The following BBS9 variants were observed in gnomAD, a reference collection of about 807,000 sequenced individuals.
BBS9 encodes protein PTHB1.
In BBS9, 89 loss-of-function variants were observed where a neutral mutation model predicts 117.7. The ratio of observed to expected loss-of-function variants is 0.76; its 90% CI spans 0.64 to 0.90. BBS9 has a LOEUF of 0.90. BBS9 is among the 40% of genes least tolerant of loss of function. The pLI, the probability that BBS9 is intolerant of heterozygous loss-of-function variation, is 0.00. For missense variants in BBS9, 982 were observed against 1,042.2 expected (o/e 0.94, Z 0.80); for synonymous variants, 379 against 370.9 (o/e 1.02, Z -0.25).
At chr7:33,546,490 A>G (rs921236915) in intron 21 of BBS9, among the ~76,000 whole-genome samples, 1 of 152,190 alleles carries the variant, frequency 6.6e-6, no homozygotes. Context: ...GTTGCCTCCT[A>G]TCTACCATAT....
chr7:33,321,576 T>A (rs1811721953), intron 9 of BBS9, among the ~76,000 whole-genome samples: 1 of 152,140 alleles, frequency 6.6e-6, no homozygotes, highest in South Asian at 2.1e-4. Flanking sequence ...ATGTTGATTT[T>A]GTATCTTGCA....
rs186769034 is a variant in BBS9 at position 33,298,894 on chromosome 7, G to A, written c.1016+24938G>A. The stretch of plus-strand genomic sequence containing the variant: ...GATGCAGTATAAAGGAACAAGTCAC[G>A]CTTTTCTTTTTCCATCTATTGAATC... On this transcript the variant is annotated intron_variant, in intron 9 of 22. Transcript: ENST00000242067. 6.6e-5 allele frequency among the ~76,000 whole-genome samples: 10 copies of A among 152,244 alleles called. No homozygotes were observed. In the East Asian group the frequency reaches 9.6e-4, roughly 15 times the overall value.
chr7:33,176,638 A>G (rs1196112165), intron 4 of BBS9, among the ~76,000 whole-genome samples: 1 of 152,202 alleles, frequency 6.6e-6, no homozygotes, highest in South Asian at 2.1e-4. Flanking sequence ...ACATACATAT[A>G]TTTTTAGATA....
chr7:33,368,616 A>G (rs73688165), intron 17 of BBS9, among the ~76,000 whole-genome samples: 3 of 145,696 alleles, frequency 2.1e-5, no homozygotes, highest in Middle Eastern at 3.5e-3. Flanking sequence ...ACACACACAC[A>G]CCCATACCCC....
chr7:33,246,507 TA>T (rs1353523123), intron 5 of BBS9, among the ~76,000 whole-genome samples: 3 of 152,184 alleles, frequency 2.0e-5, no homozygotes, highest in African/African-American at 7.2e-5. Flanking sequence ...ATAAAGTATT[TA>T]ATTTTTTTTG....
chr7:33,412,471 A>T (rs1831325031), intron 19 of BBS9, among the ~76,000 whole-genome samples: 1 of 152,098 alleles, frequency 6.6e-6, no homozygotes, highest in Non-Finnish European at 1.5e-5. Context: ...TTTCCCTGGG[A>T]CCAGGAAATT....
chr7:33,582,447 G>A (rs1340277620), intron 21 of BBS9, among the ~76,000 whole-genome samples: 1 of 151,842 alleles, frequency 6.6e-6, no homozygotes, highest in Non-Finnish European at 1.5e-5. Flanking sequence ...AAGCTAAACA[G>A]AACCACTTAA....
chr7:33,561,090 T>C (rs1018408236), intron 21 of BBS9, among the ~76,000 whole-genome samples: 2 of 152,204 alleles, frequency 1.3e-5, no homozygotes, highest in Non-Finnish European at 2.9e-5. Context: ...TTAGGGACTA[T>C]ACATTTCAAG....
intron 5 of BBS9, among the ~76,000 whole-genome samples, chr7:33,207,675 TG>T (rs1376041218): frequency 2.6e-5 from 4 of 152,194 alleles, no homozygotes; most frequent in African/African-American, 9.6e-5. Flanking sequence ...CCTGTTACTA[TG>T]GTATCTTTAC....
At chr7:33,294,019 C>G (rs952810143) in intron 9 of BBS9, among the ~76,000 whole-genome samples, 1 of 152,058 alleles carries the variant, frequency 6.6e-6, no homozygotes, top group South Asian at 2.1e-4. Context: ...TTCTCCATTT[C>G]TCTCAGAAGA....
intron 9 of BBS9, among the ~76,000 whole-genome samples, chr7:33,299,272 G>A (rs1805893145): frequency 6.6e-6 from 1 of 151,912 alleles, no homozygotes; most frequent in African/African-American, 2.4e-5. Flanking sequence ...CTTATTTTTA[G>A]TCTTCAAATT....
At chr7:33,388,249 C>A in intron 19 of BBS9, 105 bp downstream of exon 19, 1 of 1,382,782 alleles carries the variant, frequency 7.2e-7, no homozygotes, top group Non-Finnish European at 1.0e-6. Flanking sequence ...ATTTCCAGTG[C>A]TTTAAGGAAC....
At chr7:33,281,978 C>T (rs572749774) in intron 9 of BBS9, among the ~76,000 whole-genome samples, 1 of 151,492 alleles carries the variant, frequency 6.6e-6, no homozygotes, top group Non-Finnish European at 1.5e-5. Flanking sequence ...TCACATCTGG[C>T]AGATTAAAAA....
rs527558112 is a variant in BBS9, at chr7:33,310,356, T to A, written c.1017-26085T>A. 1.0e-3 allele frequency among the ~76,000 whole-genome samples: 154 copies of A among 152,140 alleles called. 5 individuals are homozygous for A. In the South Asian group the frequency reaches 0.03, roughly 29 times the overall value. ...TTCCAAAGCCTACTATATAGATTTT[T>A]AAAAAAAACACACTTGTTGGAAATG... On this transcript the variant is annotated intron_variant, in intron 9 of 22. Coordinates refer to ENST00000242067, the MANE Select transcript of BBS9 (RefSeq NM_198428.3).
Position 33,151,850 on chromosome 7 carries a change from C to CTTT in BBS9, c.113-830_113-828dup, listed in dbSNP as rs11346140. On this transcript the variant is annotated intron_variant, in intron 2 of 22. Coordinates refer to ENST00000242067, the MANE Select transcript of BBS9 (RefSeq NM_198428.3). Reference sequence around the variant, plus strand: ...ACAGGCATGAGCCACTGCACCCAGCCTTTTTTTTTTTTTTTTTTTTTTTCA... The same window carrying CTTT: ...ACAGGCATGAGCCACTGCACCCAGCCTTTTTTTTTTTTTTTTTTTTTTTTTTCA... Among the ~76,000 whole-genome samples, 291 of 82,318 alleles carry CTTT rather than the reference C, an allele frequency of 3.5e-3. 8 individuals are homozygous for CTTT. Among genetic ancestry groups the CTTT allele is most frequent in the Non-Finnish European group, 5.6e-3 (241 of 42,688 alleles). The allele number at this position is 82,318 out of a possible 152,430, so 54.0% of individuals were successfully genotyped here. A position where few individuals can be genotyped will look rare whatever the true frequency, so the allele number is the denominator to read the frequency against.
At chr7:33,579,924 C>A (rs773589313) in intron 21 of BBS9, among the ~76,000 whole-genome samples, 1 of 152,146 alleles carries the variant, frequency 6.6e-6, no homozygotes, top group Non-Finnish European at 1.5e-5. Context: ...GAAGAACTCT[C>A]TTTTCTGTGT....
At chr7:33,445,835 T>C (rs1005957319) in intron 19 of BBS9, among the ~76,000 whole-genome samples, 5 of 152,148 alleles carry the variant, frequency 3.3e-5, no homozygotes, top group Non-Finnish European at 5.9e-5. Context: ...TACTTGCACT[T>C]CTTTTTTTCC....
chr7:33,407,220 T>C (rs1345703590), intron 19 of BBS9, among the ~76,000 whole-genome samples: 1 of 152,254 alleles, frequency 6.6e-6, no homozygotes, highest in Non-Finnish European at 1.5e-5. Context: ...TTCCTGTTGA[T>C]TGCATTGGCT....
chr7:33,395,206 A>G (rs1399233313), intron 19 of BBS9, among the ~76,000 whole-genome samples: 1 of 152,230 alleles, frequency 6.6e-6, no homozygotes, highest in Non-Finnish European at 1.5e-5. Flanking sequence ...TTCTGAAATT[A>G]TATCTGAAAC....
Sources: gnomAD v4.1 joint callset for allele counts (sites outside exome capture counted in the v4.1 genomes callset) on GRCh38, gnomAD v4.1.1 for gene constraint, MANE v1.5 for transcripts, NCBI Gene and HGNC (gene_info 2026-07-23, HGNC 2026-07-21) for gene names.